The following FKBP5 variants were observed in gnomAD, a reference collection of about 807,000 sequenced individuals.
FKBP5 encodes the protein FKBP prolyl isomerase 5, also known as peptidyl-prolyl cis-trans isomerase FKBP5.
FKBP5 carries 23 observed loss-of-function variants against 50.5 expected under a neutral mutation model. The ratio of observed to expected loss-of-function variants is 0.46; its 90% CI spans 0.33 to 0.65. The LOEUF is 0.65. Among genes scored for constraint, FKBP5 ranks in the 30% least tolerant of loss-of-function variants. The pLI is 0.02. For synonymous variants in FKBP5, 176 were observed against 190.6 expected (o/e 0.92, Z 0.63); for missense variants, 411 against 553.1 (o/e 0.74, Z 2.58).
In FKBP5 at chr6:35,653,927, A is replaced by G. The variant is rs1178240051; in HGVS notation, c.-19-11084T>C. 2.0e-5 allele frequency among the ~76,000 whole-genome samples: 3 copies of G among 152,150 alleles called. No individual in the cohort carries two copies. The East Asian group carries it at 5.8e-4, about 29-fold the overall frequency. On this transcript the variant is annotated intron_variant, in intron 1 of 10. Transcript: ENST00000357266. ...ACAACATGGAATTCCATGAATAAAA[A>G]TTTATTGACTTAAAAAAAATAATAA...
chr6:35,693,232 A>G (rs1449590735), upstream of FKBP5, among the ~76,000 whole-genome samples: 9 of 133,632 alleles, frequency 6.7e-5, no homozygotes, highest in East Asian at 1.7e-3. Flanking sequence ...GCGCGATCTC[A>G]GCTCACTGCA....
At chr6:35,615,124 AAACAACAACAAC>A (rs534273489) in intron 5 of FKBP5, among the ~76,000 whole-genome samples, 7 of 148,314 alleles carry the variant, frequency 4.7e-5, no homozygotes, top group African/African-American at 1.8e-4. Flanking sequence ...ACTCTGTCGC[AAACAACAACAAC>A]AACAACAACA....
intron 1 of FKBP5, among the ~76,000 whole-genome samples, chr6:35,644,073 T>G (rs1764565483): frequency 6.6e-6 from 1 of 152,240 alleles, no homozygotes; most frequent in Non-Finnish European, 1.5e-5. Flanking sequence ...TCACAGATAA[T>G]CTTCTGAAGT....
chr6:35,708,231 A>G (rs186882588), intron 2 of FKBP5, among the ~76,000 whole-genome samples: 2 of 152,282 alleles, frequency 1.3e-5, no homozygotes, highest in Non-Finnish European at 2.9e-5. Flanking sequence ...CCAACTGGTT[A>G]AATAAATAAT....
chr6:35,712,042 TA>T (rs71002597), intron 2 of FKBP5, among the ~76,000 whole-genome samples: 1,533 of 128,234 alleles, frequency 0.012, 18 homozygotes, highest in Non-Finnish European at 0.013. Flanking sequence ...CTGGGCTAAT[TA>T]AAAAAAAAAA....
chr6:35,601,451 C>T (rs1001016737), intron 5 of FKBP5, among the ~76,000 whole-genome samples: 17 of 152,186 alleles, frequency 1.1e-4, no homozygotes, highest in Admixed American at 1.0e-3. Context: ...AACTCACACA[C>T]CACTTGGAGC....
rs1440857937 is a variant in FKBP5, at chr6:35,577,076, T to C, written c.1184A>G (p.Gln395Arg). 1.2e-6 allele frequency: 2 copies of C among 1,614,208 alleles called. No homozygotes were observed. Among genetic ancestry groups the C allele is most frequent in the East Asian group, 2.2e-5 (1 of 44,882 alleles). Residue 395 changes from glutamine to arginine, a missense_variant, in exon 10 of 11, where the codon CAG becomes CGG. Around this residue, in one of 3 missense-constraint regions of FKBP5, gnomAD observed 88 missense variants for 89.0 expected, o/e 0.99. Coordinates refer to ENST00000357266, the MANE Select transcript of FKBP5 (RefSeq NM_004117.4). ...KAARLQISMC[Q>R]KKAKEHNERD... ...CTCGTTGTGCTCCTTGGCCTTTTTCTGGCACATGGAGATCTGCAGTCTTGC... is the reference window on the plus strand; with the variant it reads ...CTCGTTGTGCTCCTTGGCCTTTTTCCGGCACATGGAGATCTGCAGTCTTGC...
chr6:35,699,127 C>T (rs950797923), intron 2 of FKBP5, among the ~76,000 whole-genome samples: 4 of 152,190 alleles, frequency 2.6e-5, no homozygotes, highest in Non-Finnish European at 4.4e-5. Flanking sequence ...TCCAAACTGG[C>T]CTTACTCACA....
chr6:35,673,018 G>A (rs1765431557), intron 1 of FKBP5, among the ~76,000 whole-genome samples: 1 of 152,190 alleles, frequency 6.6e-6, no homozygotes, highest in East Asian at 1.9e-4. Flanking sequence ...CGTTTCCAGG[G>A]AAGAAAAGGA....
chr6:35,632,366 A>G (rs928621029), intron 3 of FKBP5, among the ~76,000 whole-genome samples: 9 of 152,176 alleles, frequency 5.9e-5, no homozygotes, highest in African/African-American at 2.2e-4. Context: ...CCAAGATGTT[A>G]TAACACAGCT....
chr6:35,608,567 G>A (rs1206475626), intron 5 of FKBP5, among the ~76,000 whole-genome samples: 1 of 152,114 alleles, frequency 6.6e-6, no homozygotes, highest in African/African-American at 2.4e-5. Context: ...TGCACCTGCA[G>A]TTCCAGCTAC....
chr6:35,670,581 A>G (rs1765358213), intron 1 of FKBP5, among the ~76,000 whole-genome samples: 1 of 151,936 alleles, frequency 6.6e-6, no homozygotes, highest in South Asian at 2.1e-4. Context: ...TACAAAAAAA[A>G]ATTAGCCGGG....
chr6:35,684,338 C>A (rs1765763071), intron 1 of FKBP5, among the ~76,000 whole-genome samples: 1 of 152,022 alleles, frequency 6.6e-6, no homozygotes, highest in African/African-American at 2.4e-5. Context: ...TCCACCACAC[C>A]TGGCTAACTT....
intron 1 of FKBP5, among the ~76,000 whole-genome samples, chr6:35,677,361 C>T (rs1765555897): frequency 6.6e-6 from 1 of 152,202 alleles, no homozygotes; most frequent in Admixed American, 6.5e-5. Flanking sequence ...GCATGAGCCA[C>T]CACACCCAGC....
chr6:35,674,583 C>T (rs1221780947), intron 1 of FKBP5, among the ~76,000 whole-genome samples: 1 of 152,218 alleles, frequency 6.6e-6, no homozygotes, highest in Admixed American at 6.5e-5. Flanking sequence ...AATGCATTCT[C>T]CCTTCTCTCA....
At chr6:35,600,450 T>A (rs1763112996) in intron 5 of FKBP5, among the ~76,000 whole-genome samples, 1 of 152,018 alleles carries the variant, frequency 6.6e-6, no homozygotes, top group African/African-American at 2.4e-5. Context: ...GAGTAAAAAT[T>A]GATATTTCTA....
At chr6:35,593,328 T>G (rs747280154) in intron 6 of FKBP5, among the ~76,000 whole-genome samples, 12 of 152,164 alleles carry the variant, frequency 7.9e-5, no homozygotes, top group Non-Finnish European at 1.3e-4. Context: ...AAATAATGAC[T>G]ATGAATGACC....
At chr6:35,631,282 T>C (rs1764144224) in intron 3 of FKBP5, among the ~76,000 whole-genome samples, 1 of 152,234 alleles carries the variant, frequency 6.6e-6, no homozygotes, top group Non-Finnish European at 1.5e-5. Context: ...GAATTCAACA[T>C]GCATGAATCC....
intron 1 of FKBP5, among the ~76,000 whole-genome samples, chr6:35,723,461 C>T (rs903845776): frequency 3.9e-5 from 6 of 151,938 alleles, no homozygotes; most frequent in African/African-American, 4.8e-5. Context: ...ATGGAAGATG[C>T]TTCCTGGGAA....
Sources: gnomAD v4.1 joint callset for allele counts (sites outside exome capture counted in the v4.1 genomes callset) on GRCh38, gnomAD v4.1.1 for gene constraint, gnomAD v4.1.1 regional missense constraint, MANE v1.5 for transcripts, NCBI Gene and HGNC (gene_info 2026-07-23, HGNC 2026-07-21) for gene names.